Variants in DPYSL2 observed in about 807,000 individuals in gnomAD.
DPYSL2 encodes dihydropyrimidinase-related protein 2.
A neutral mutation model predicts 69.9 loss-of-function variants in DPYSL2; 13 were observed. That is an observed-to-expected ratio of 0.19 (90% CI 0.12 to 0.30). The LOEUF (loss-of-function observed/expected upper bound fraction) is 0.30. Among genes scored for constraint, DPYSL2 ranks in the 10% least tolerant of loss-of-function variants. The pLI, the probability that DPYSL2 is intolerant of heterozygous loss-of-function variation, is 1.00. For missense variants in DPYSL2, 587 were observed against 918.9 expected (o/e 0.64, Z 4.67); for synonymous variants, 326 against 359.1 (o/e 0.91, Z 1.04).
intron 1 of DPYSL2, among the ~76,000 whole-genome samples, chr8:26,520,716 T>C (rs779193147): frequency 6.6e-6 from 1 of 152,224 alleles, no homozygotes; most frequent in Non-Finnish European, 1.5e-5. Context: ...ATCATTGTCT[T>C]AGGCTGTGAC....
rs1484567491 is a variant in DPYSL2 at position 26,648,481 on chromosome 8, T to C, written c.1596+681T>C. Among the ~76,000 whole-genome samples, 1 of 152,112 alleles carries C rather than the reference T, an allele frequency of 6.6e-6. No individual in the cohort carries two copies. Among genetic ancestry groups the C allele is most frequent in the Admixed American group, 6.5e-5 (1 of 15,274 alleles). On this transcript the variant is annotated intron_variant, in intron 11 of 13. Coordinates refer to ENST00000521913, the MANE Select transcript of DPYSL2 (RefSeq NM_001197293.3). The surrounding 1 kb of genome is among the most constrained non-coding windows in gnomAD (Gnocchi z 4.3). ...CTGAGAGTGAGGGGTTCAGACGAGG[T>C]CTCCAAGTGTCCTGTGATTCTGTGA... is the stretch of plus-strand genomic sequence containing the variant.
In DPYSL2 at chr8:26,593,615, C is replaced by T. The variant is rs375212199; in HGVS notation, c.628+9632C>T. ...AATTGTCACCAGAAAGAGCCTCCTC[C>T]TTCAGTTGCTGTCCTTGGTGTTCGG... On this transcript the variant is annotated intron_variant, in intron 3 of 13. Coordinates refer to ENST00000521913, the MANE Select transcript of DPYSL2 (RefSeq NM_001197293.3). This position sits in a 1 kb window ranked among gnomAD's most constrained non-coding sequence, Gnocchi z 5.7. Among the ~76,000 whole-genome samples the T allele has an allele frequency of 2.6e-5, 4 of 152,338 alleles. No individual in the cohort carries two copies. In the East Asian group the frequency reaches 7.7e-4, roughly 29 times the overall value.
intron 8 of DPYSL2, among the ~76,000 whole-genome samples, chr8:26,639,616 A>T (rs1802995649): frequency 2.0e-5 from 3 of 152,174 alleles, no homozygotes; most frequent in South Asian, 4.1e-4. Flanking sequence ...CCCTGAATTC[A>T]TTCTTCTTTT....
At chr8:26,613,123 G>T (rs1802272520) in intron 3 of DPYSL2, among the ~76,000 whole-genome samples, 1 of 152,220 alleles carries the variant, frequency 6.6e-6, no homozygotes, top group Non-Finnish European at 1.5e-5. Context: ...GAAGAGAGGT[G>T]GATATGTTTC....
Position 26,514,997 on chromosome 8 carries a change from T to C in DPYSL2, c.354+318T>C, listed in dbSNP as rs141860298. 9.4e-4 allele frequency among the ~76,000 whole-genome samples: 143 copies of C among 152,284 alleles called. No homozygotes were observed. Among genetic ancestry groups the C allele is most frequent in the Non-Finnish European group, 1.7e-3 (114 of 67,992 alleles). On this transcript the variant is annotated intron_variant, in intron 1 of 13. Transcript: ENST00000521913. The surrounding 1 kb of genome is among the most constrained non-coding windows in gnomAD (Gnocchi z 8.4). ...GGGAGGGGGTTGGCCGCGGTTCCAT[T>C]CTTCTGAAACCCTCCCGGGCGGCTT...
At position 26,614,742 on chromosome 8, in the gene DPYSL2, A is replaced by G. The variant is rs939949956; in HGVS notation, c.629-9401A>G. Among the ~76,000 whole-genome samples the G allele has an allele frequency of 1.3e-5, 2 of 152,208 alleles. No individual in the cohort carries two copies. Among genetic ancestry groups the G allele is most frequent in the African/African-American group, 4.8e-5 (2 of 41,458 alleles). ...AGTTTTAAAAGCAAACTTACATTGA[A>G]CAAAGTGTAGGAAAGAGAAAGGAGA... On this transcript the variant is annotated intron_variant, in intron 3 of 13. Transcript: ENST00000521913. This position sits in a 1 kb window ranked among gnomAD's most constrained non-coding sequence, Gnocchi z 4.9.
At chr8:26,615,980 T>A (rs1192656686) in intron 3 of DPYSL2, among the ~76,000 whole-genome samples, 1 of 152,166 alleles carries the variant, frequency 6.6e-6, no homozygotes. Context: ...CCTGGGGGTG[T>A]TTATCAAACC....
Position 26,514,712 on chromosome 8 carries a change from A to C in DPYSL2, c.354+33A>C. The C allele has an allele frequency of 1.6e-3, 1,180 of 756,364 alleles. No homozygotes were observed. Among genetic ancestry groups the C allele is most frequent in the Non-Finnish European group, 2.0e-3 (1,062 of 542,912 alleles). The allele number at this position is 756,364 out of a possible 1,614,324, so 46.9% of individuals were successfully genotyped here. A position where few individuals can be genotyped will look rare whatever the true frequency, so the allele number is the denominator to read the frequency against. Reference sequence around the variant, plus strand: ...TGGGGGTTGGGGGTGGAGACGGAGGACGGGGCGCGGGGATCGCCCCTCCCT... The same window carrying C: ...TGGGGGTTGGGGGTGGAGACGGAGGCCGGGGCGCGGGGATCGCCCCTCCCT... On this transcript the variant is annotated intron_variant, in intron 1 of 13. Transcript: ENST00000521913. The surrounding 1 kb of genome is among the most constrained non-coding windows in gnomAD (Gnocchi z 8.4).
intron 8 of DPYSL2, among the ~76,000 whole-genome samples, chr8:26,639,081 G>T (rs1302605091): frequency 1.3e-5 from 2 of 152,188 alleles, no homozygotes; most frequent in African/African-American, 4.8e-5. Context: ...CTCAATTTGA[G>T]ATAAGACCTC....
chr8:26,613,895 G>A (rs1340310691), intron 3 of DPYSL2, among the ~76,000 whole-genome samples: 1 of 152,196 alleles, frequency 6.6e-6, no homozygotes, highest in Non-Finnish European at 1.5e-5. Context: ...ACTTTGGGAG[G>A]CCAAGGTAGG....
intron 8 of DPYSL2, among the ~76,000 whole-genome samples, chr8:26,635,539 C>T (rs534495949): frequency 7.2e-5 from 11 of 152,282 alleles, no homozygotes; most frequent in East Asian, 1.9e-4. Flanking sequence ...TGTCACCCAC[C>T]GCTGACAACA....
At chr8:26,523,655 C>CTT (rs370588739) in intron 1 of DPYSL2, among the ~76,000 whole-genome samples, 2,883 of 151,622 alleles carry the variant, frequency 0.019, 79 homozygotes, top group African/African-American at 0.064. Context: ...AATTTCCTTA[C>CTT]TTTTTTTTTC....
chr8:26,527,823 G>A (rs1348335489), intron 1 of DPYSL2, among the ~76,000 whole-genome samples: 2 of 51,552 alleles, frequency 3.9e-5, no homozygotes, highest in East Asian at 1.0e-3. Flanking sequence ...TTTTTTTTTA[G>A]ATGGAGTCTT....
At chr8:26,544,918 C>G (rs1192442190) in intron 1 of DPYSL2, among the ~76,000 whole-genome samples, 1 of 152,144 alleles carries the variant, frequency 6.6e-6, no homozygotes, top group African/African-American at 2.4e-5. Flanking sequence ...CAAGGAAGAT[C>G]ATTTTATAGT....
chr8:26,623,966 C>T (rs1802558292), intron 3 of DPYSL2, 177 bp from the exon 4 acceptor site: 2 of 652,628 alleles, frequency 3.1e-6, no homozygotes, highest in Non-Finnish European at 5.2e-6. Context: ...CTGCTTTCTG[C>T]TTTCTCCCTC....
At chr8:26,611,837 G>T (rs573929021) in intron 3 of DPYSL2, among the ~76,000 whole-genome samples, 1 of 152,186 alleles carries the variant, frequency 6.6e-6, no homozygotes, top group African/African-American at 2.4e-5. Context: ...CCCTGGACCC[G>T]GAAAGAGGGA....
At chr8:26,544,243 A>G (rs1231957180) in intron 1 of DPYSL2, among the ~76,000 whole-genome samples, 9 of 152,214 alleles carry the variant, frequency 5.9e-5, no homozygotes, top group Admixed American at 3.3e-4. Flanking sequence ...ATGCATGGAC[A>G]TAAGGGACAG....
rs1270583952 is a variant in DPYSL2, at chr8:26,560,781, G to T, written c.355-21188G>T. On this transcript the variant is annotated intron_variant, in intron 1 of 13. Transcript: ENST00000521913. This position sits in a 1 kb window ranked among gnomAD's most constrained non-coding sequence, Gnocchi z 4.4. ...ATAATTTTATCCTTTTAGTAAAGGT[G>T]CATGTGGACATTAGTATGATCTATG... 1.3e-5 allele frequency among the ~76,000 whole-genome samples: 2 copies of T among 152,196 alleles called. No individual in the cohort carries two copies. Among genetic ancestry groups the T allele is most frequent in the African/African-American group, 4.8e-5 (2 of 41,432 alleles).
intron 1 of DPYSL2, among the ~76,000 whole-genome samples, chr8:26,556,682 T>G (rs1250788068): frequency 6.6e-6 from 1 of 151,856 alleles, no homozygotes; most frequent in Admixed American, 6.6e-5. Flanking sequence ...CTTCCCGGTT[T>G]GATCCACACA....
Sources: allele counts gnomAD v4.1 joint callset (sites outside exome capture counted in the v4.1 genomes callset), GRCh38; gene constraint gnomAD v4.1.1; non-coding constraint Gnocchi (gnomAD v3.1); transcripts MANE v1.5; gene names NCBI Gene and HGNC (gene_info 2026-07-23, HGNC 2026-07-21).